Variants in FSTL4 observed in about 807,000 individuals in gnomAD.
FSTL4 encodes the protein follistatin like 4.
FSTL4 carries 28 observed loss-of-function variants against 78.2 expected under a neutral mutation model. The observed-to-expected ratio is 0.36, with a 90% CI of 0.27 to 0.49. FSTL4 has a LOEUF of 0.49. FSTL4 is among the 20% of genes least tolerant of loss of function. The pLI is 0.98. For missense variants in FSTL4, 922 were observed against 1,084.9 expected, an observed-to-expected ratio of 0.85 and a Z score of 2.11; for synonymous variants, 422 against 440.5, an observed-to-expected ratio of 0.96 and a Z score of 0.53.
intron 7 of FSTL4, among the ~76,000 whole-genome samples, chr5:133,239,810 C>A (rs112623711): frequency 2.0e-5 from 3 of 152,140 alleles, no homozygotes; most frequent in African/African-American, 7.2e-5. Context: ...TAGTGGGGAC[C>A]GTGGAGAACT....
intron 3 of FSTL4, among the ~76,000 whole-genome samples, chr5:133,494,866 A>T (rs748756527): frequency 1.4e-4 from 22 of 152,248 alleles, no homozygotes; most frequent in Admixed American, 3.3e-4. Flanking sequence ...ATTTTAAGGC[A>T]TCTTATGCAA....
At chr5:133,796,858 C>T in the FSTL4 span, among the ~76,000 whole-genome samples, 1 of 152,020 alleles carries the variant, frequency 6.6e-6, no homozygotes, top group African/African-American at 2.4e-5. Context: ...GCCAGGGAAT[C>T]GCCCTGGGTA....
chr5:133,272,421 C>T (rs937886546), intron 6 of FSTL4, among the ~76,000 whole-genome samples: 4 of 152,286 alleles, frequency 2.6e-5, no homozygotes, highest in East Asian at 1.9e-4. Context: ...AGAGGAGGCA[C>T]GCGCGTGCAG....
At chr5:133,375,291 C>T (rs867664911) in intron 4 of FSTL4, among the ~76,000 whole-genome samples, 2 of 57,914 alleles carry the variant, frequency 3.5e-5, no homozygotes, top group Non-Finnish European at 4.6e-5. Context: ...GTGTGCATGG[C>T]ATATATATAT....
intron 8 of FSTL4, among the ~76,000 whole-genome samples, chr5:133,231,720 T>C (rs545388555): frequency 6.6e-6 from 1 of 152,226 alleles, no homozygotes; most frequent in Admixed American, 6.5e-5. Context: ...TTTTTGCATT[T>C]TTTGTAGAGA....
At chr5:133,815,715 T>A in the FSTL4 span, among the ~76,000 whole-genome samples, 1 of 152,186 alleles carries the variant, frequency 6.6e-6, no homozygotes, top group Non-Finnish European at 1.5e-5. Context: ...TTCCCCCAAG[T>A]GTTTCTGGCA....
chr5:133,211,443 A>G lies in FSTL4; in HGVS notation c.1609-1145T>C, dbSNP rs574519665. On this transcript the variant is annotated intron_variant, in intron 13 of 15. Coordinates refer to ENST00000265342, the MANE Select transcript of FSTL4 (RefSeq NM_015082.2). ...TCTTAGTTCCTTCTTGGTTTCAATG[A>G]TCTTTTCCTCCTCCCCACCTCAGCC... 7.9e-4 allele frequency among the ~76,000 whole-genome samples: 120 copies of G among 152,176 alleles called. 1 individual carries two copies. In the Middle Eastern group the frequency reaches 0.01, roughly 13 times the overall value.
At chr5:133,748,087 G>A in the FSTL4 span, among the ~76,000 whole-genome samples, 194 of 151,730 alleles carry the variant, frequency 1.3e-3, 1 homozygote, top group Admixed American at 3.5e-3. Flanking sequence ...CCAGCTACTC[G>A]AGAGGCTGAG....
At chr5:133,477,549 G>C (rs985036860) in intron 3 of FSTL4, among the ~76,000 whole-genome samples, 2 of 152,156 alleles carry the variant, frequency 1.3e-5, no homozygotes, top group Non-Finnish European at 2.9e-5. Flanking sequence ...AGCACATGTG[G>C]CTTGCCCAAG....
At chr5:133,565,296 G>C (rs983752992) in intron 3 of FSTL4, among the ~76,000 whole-genome samples, 8 of 152,150 alleles carry the variant, frequency 5.3e-5, no homozygotes, top group Non-Finnish European at 1.0e-4. Context: ...CTTGTACACT[G>C]TTCTGGAGAA....
intron 14 of FSTL4, among the ~76,000 whole-genome samples, chr5:133,209,200 G>A (rs1750623941): frequency 6.6e-6 from 1 of 152,136 alleles, no homozygotes; most frequent in Non-Finnish European, 1.5e-5. Flanking sequence ...AATGGTTGGT[G>A]GCTTCCCCAG....
rs564880463 is a variant in FSTL4, at chr5:133,394,681, G to A, written c.409+6057C>T. Among the ~76,000 whole-genome samples the A allele has an allele frequency of 7.9e-5, 12 of 152,324 alleles. No individual in the cohort carries two copies. The East Asian group carries it at 1.2e-3, about 15-fold the overall frequency. ...GGCCCGAGCCTCCCCAACGAGCGCC[G>A]CCACCTGCTCCGTGGCACCAGGTCC... On this transcript the variant is annotated intron_variant, in intron 4 of 15. Coordinates refer to ENST00000265342, the MANE Select transcript of FSTL4 (RefSeq NM_015082.2).
intron 2 of FSTL4, 150 bp downstream of exon 2, chr5:133,603,708 G>T: frequency 1.3e-6 from 1 of 789,992 alleles, no homozygotes; most frequent in Non-Finnish European, 2.1e-6. Flanking sequence ...CACACAGGTT[G>T]CCTTCTTCTG....
chr5:133,262,980 T>A (rs1752568081), intron 6 of FSTL4, among the ~76,000 whole-genome samples: 3 of 151,994 alleles, frequency 2.0e-5, no homozygotes, highest in African/African-American at 7.2e-5. Context: ...GGCATGGCGC[T>A]CTGGACCGAG....
chr5:133,552,603 G>T (rs1411410394), intron 3 of FSTL4, among the ~76,000 whole-genome samples: 2 of 152,166 alleles, frequency 1.3e-5, no homozygotes, highest in Non-Finnish European at 2.9e-5. Flanking sequence ...AAAAACCTCT[G>T]CAGGCCAAGA....
chr5:133,623,996 C>A, the FSTL4 span, among the ~76,000 whole-genome samples: 3 of 152,118 alleles, frequency 2.0e-5, no homozygotes, highest in South Asian at 6.2e-4. Flanking sequence ...AAGCCTCATA[C>A]TTTGCTGATG....
At chr5:133,380,259 CA>C (rs59233042) in intron 4 of FSTL4, among the ~76,000 whole-genome samples, 20,389 of 144,630 alleles carry the variant, frequency 0.14, 1,441 homozygotes, top group Non-Finnish European at 0.15. Context: ...TTGGTTCTTT[CA>C]AAAAAAAAAA....
the FSTL4 span, among the ~76,000 whole-genome samples, chr5:133,663,597 C>T: frequency 1.3e-5 from 2 of 152,206 alleles, no homozygotes; most frequent in East Asian, 1.9e-4. Flanking sequence ...AATTGCTGCA[C>T]ACGTGGTCTC....
the FSTL4 span, among the ~76,000 whole-genome samples, chr5:133,662,945 G>T: frequency 6.8e-6 from 1 of 147,410 alleles, no homozygotes; most frequent in Non-Finnish European, 1.5e-5. Context: ...ATATGCAAAA[G>T]ATTCCCATGA....
Sources: allele counts gnomAD v4.1 joint callset (sites outside exome capture counted in the v4.1 genomes callset), GRCh38; gene constraint gnomAD v4.1.1; transcripts MANE v1.5; gene names NCBI Gene and HGNC (gene_info 2026-07-23, HGNC 2026-07-21).